Variants in SPAG16 observed in about 807,000 individuals in gnomAD.
SPAG16 encodes sperm-associated antigen 16 protein.
A neutral mutation model predicts 80.4 loss-of-function variants in SPAG16; 86 were observed. The ratio of observed to expected loss-of-function variants is 1.07; its 90% CI spans 0.90 to 1.28. The LOEUF (loss-of-function observed/expected upper bound fraction) is 1.28, where lower values mean the gene tolerates loss of function less well. Ranked by LOEUF, SPAG16 falls within the 50% of genes most tolerant of loss-of-function variation. The pLI is 0.00. For missense variants in SPAG16, 870 were observed against 765.3 expected (o/e 1.14, Z -1.61); for synonymous variants, 294 against 265.9 (o/e 1.11, Z -1.03).
chr2:214,352,809 C>G (rs1912192), intron 15 of SPAG16, among the ~76,000 whole-genome samples: 84,059 of 151,642 alleles, frequency 0.55, 28,565 homozygotes, highest in Non-Finnish European at 0.75. Flanking sequence ...AGTTTTTATG[C>G]TGCCTGTGAG....
At chr2:213,608,481 T>G (rs953624948) in intron 10 of SPAG16, among the ~76,000 whole-genome samples, 47 of 152,212 alleles carry the variant, frequency 3.1e-4, no homozygotes, top group African/African-American at 1.1e-3. Flanking sequence ...GCTTCATCCA[T>G]GTCCCTACAA....
chr2:213,290,969 C>G (rs371945057), intron 1 of SPAG16, among the ~76,000 whole-genome samples: 24 of 152,152 alleles, frequency 1.6e-4, no homozygotes, highest in Non-Finnish European at 3.1e-4. Flanking sequence ...TATGAGAACC[C>G]AAGAATGTCA....
intron 15 of SPAG16, among the ~76,000 whole-genome samples, chr2:214,255,640 C>G (rs888205374): frequency 2.6e-5 from 4 of 151,908 alleles, no homozygotes; most frequent in African/African-American, 9.7e-5. Context: ...AAATTGTTCT[C>G]TCGTGCCCCT....
At chr2:213,636,895 G>T (rs2062383617) in intron 10 of SPAG16, among the ~76,000 whole-genome samples, 1 of 151,998 alleles carries the variant, frequency 6.6e-6, no homozygotes, top group Admixed American at 6.6e-5. Flanking sequence ...ACCTAAATTG[G>T]CAAAAAGTGA....
At chr2:213,479,657 C>T (rs1019462299) in intron 9 of SPAG16, among the ~76,000 whole-genome samples, 1 of 152,194 alleles carries the variant, frequency 6.6e-6, no homozygotes, top group African/African-American at 2.4e-5. Context: ...AACTGAGAGG[C>T]AACAGGTGCT....
intron 7 of SPAG16, among the ~76,000 whole-genome samples, chr2:213,358,814 G>A (rs1242313182): frequency 1.3e-5 from 2 of 152,172 alleles, no homozygotes; most frequent in African/African-American, 2.4e-5. Context: ...GTGAGGAGTT[G>A]TGATCCTTTG....
intron 15 of SPAG16, among the ~76,000 whole-genome samples, chr2:214,165,469 C>CTTTTTTTTTTTTTTTTTTTTTTTTTTT (rs67726428): frequency 2.6e-5 from 1 of 37,842 alleles, no homozygotes; most frequent in Non-Finnish European, 4.2e-5. Flanking sequence ...CATCACCATC[C>CTTTTTTTTTTTTTTTTTTTTTTTTTTT]TTTTTTTTTT....
chr2:214,041,059 G>A (rs2048978570), intron 13 of SPAG16, among the ~76,000 whole-genome samples: 1 of 148,254 alleles, frequency 6.7e-6, no homozygotes, highest in Non-Finnish European at 1.5e-5. Context: ...TTTCTTTGTT[G>A]TTTTTCTATT....
rs118164056 is a variant in SPAG16 at position 214,116,576 on chromosome 2, C to T, written c.1593+8315C>T. The stretch of plus-strand genomic sequence containing the variant: ...CCCAGACCACTTGTGCAGGACCTGC[C>T]GGGAAGCACACCTGTATGGACACAG... On this transcript the variant is annotated intron_variant, in intron 14 of 15. Coordinates refer to ENST00000331683, the MANE Select transcript of SPAG16 (RefSeq NM_024532.5). Among the ~76,000 whole-genome samples, 24 of 152,218 alleles carry T rather than the reference C, an allele frequency of 1.6e-4. 1 individual carries two copies. Among genetic ancestry groups the T allele is most frequent in the East Asian group, 5.8e-4 (3 of 5,168 alleles).
At chr2:214,111,370 C>T (rs935096466) in intron 14 of SPAG16, among the ~76,000 whole-genome samples, 1 of 152,136 alleles carries the variant, frequency 6.6e-6, no homozygotes, top group Non-Finnish European at 1.5e-5. Context: ...TTTCCCAGCA[C>T]CACTTATTAA....
intron 12 of SPAG16, among the ~76,000 whole-genome samples, chr2:213,949,941 G>T (rs964967336): frequency 2.6e-5 from 4 of 152,122 alleles, no homozygotes; most frequent in Non-Finnish European, 5.9e-5. Flanking sequence ...TTACACGTGT[G>T]AACAAAATGT....
intron 11 of SPAG16, among the ~76,000 whole-genome samples, chr2:213,864,052 A>T (rs2075589595): frequency 6.6e-6 from 1 of 152,148 alleles, no homozygotes; most frequent in African/African-American, 2.4e-5. Context: ...TTCTTTTTGT[A>T]GAATTAATAA....
At chr2:214,177,961 C>T (rs2057165127) in intron 15 of SPAG16, among the ~76,000 whole-genome samples, 1 of 89,124 alleles carries the variant, frequency 1.1e-5, no homozygotes, top group Non-Finnish European at 2.1e-5. Context: ...TCTAACTTCA[C>T]AAAGTGTATG....
intron 10 of SPAG16, among the ~76,000 whole-genome samples, chr2:213,788,102 T>C (rs2070455625): frequency 6.6e-6 from 1 of 151,998 alleles, no homozygotes; most frequent in Admixed American, 6.6e-5. Flanking sequence ...AAGATTTAGG[T>C]TTGACTCAGC....
intron 10 of SPAG16, among the ~76,000 whole-genome samples, chr2:213,574,078 T>C (rs979332864): frequency 5.9e-5 from 9 of 152,174 alleles, no homozygotes; most frequent in African/African-American, 2.2e-4. Flanking sequence ...TAACTTTATG[T>C]TTTGATATGT....
chr2:213,841,876 C>CTT (rs1394353802), intron 10 of SPAG16, among the ~76,000 whole-genome samples: 2 of 151,974 alleles, frequency 1.3e-5, no homozygotes, highest in Admixed American at 1.3e-4. Context: ...TTCTGAATCT[C>CTT]TACATTCTTT....
intron 11 of SPAG16, among the ~76,000 whole-genome samples, chr2:213,909,474 C>A (rs560904114): frequency 2.0e-5 from 3 of 152,108 alleles, no homozygotes; most frequent in African/African-American, 4.8e-5. Flanking sequence ...TGACTTCAAA[C>A]TATACTACAA....
At chr2:213,625,143 C>A (rs1388607605) in intron 10 of SPAG16, among the ~76,000 whole-genome samples, 2 of 152,080 alleles carry the variant, frequency 1.3e-5, no homozygotes, top group African/African-American at 4.8e-5. Context: ...GTACTTACTT[C>A]ATGTATTAGT....
intron 15 of SPAG16, among the ~76,000 whole-genome samples, chr2:214,403,757 G>C (rs1701843031): frequency 6.6e-6 from 1 of 152,152 alleles, no homozygotes. Flanking sequence ...TTGCTCTGCT[G>C]GGGGAATGGA....
Sources: allele counts gnomAD v4.1 joint callset (sites outside exome capture counted in the v4.1 genomes callset), GRCh38; gene constraint gnomAD v4.1.1; transcripts MANE v1.5; gene names NCBI Gene and HGNC (gene_info 2026-07-23, HGNC 2026-07-21).